The following PALLD variants were observed in gnomAD, a reference collection of about 807,000 sequenced individuals.
The protein encoded by PALLD is palladin, cytoskeletal associated protein.
PALLD carries 61 observed loss-of-function variants against 123.5 expected under a neutral mutation model. The ratio of observed to expected loss-of-function variants is 0.49; its 90% CI spans 0.40 to 0.61. The LOEUF (loss-of-function observed/expected upper bound fraction) is 0.61, where lower values mean the gene tolerates loss of function less well. Among genes scored for constraint, PALLD ranks in the 20% least tolerant of loss-of-function variants. PALLD has a pLI of 0.00. For missense variants in PALLD, 1,273 were observed against 1,377.0 expected (o/e 0.92, Z 1.20); for synonymous variants, 465 against 496.4 (o/e 0.94, Z 0.84).
chr4:168,761,645 G>GTTTTTTTTTTTTTTTTTGTTTTTT (rs1732880433), intron 10 of PALLD, among the ~76,000 whole-genome samples: 1 of 88,024 alleles, frequency 1.1e-5, no homozygotes, highest in Non-Finnish European at 2.2e-5. Context: ...GTTGTTGTTT[G>GTTTTTTTTTTTTTTTTTGTTTTTT]TTTTTTTTTT....
intron 8 of PALLD, among the ~76,000 whole-genome samples, chr4:168,692,477 A>G (rs979038065): frequency 2.0e-5 from 3 of 152,230 alleles, no homozygotes; most frequent in African/African-American, 7.2e-5. Flanking sequence ...TCATTGAATA[A>G]AATTGCATAA....
intron 15 of PALLD, among the ~76,000 whole-genome samples, chr4:168,905,705 A>G (rs1757587356): frequency 6.6e-6 from 1 of 152,054 alleles, no homozygotes; most frequent in South Asian, 2.1e-4. Flanking sequence ...GAAAAAGTCT[A>G]AATCACTATT....
Position 168,511,990 on chromosome 4 carries a change from T to C in PALLD, c.486T>C (p.Gly162=). The C allele has an allele frequency of 6.2e-7, 1 of 1,614,108 alleles. No individual in the cohort carries two copies. The highest frequency in any genetic ancestry group is 2.2e-5 in the East Asian group (1 of 44,872). Residue 162 remains glycine (G), a synonymous_variant, in exon 2 of 22, where the codon GGT becomes GGC. Transcript: ENST00000505667. ...CCAAAACGCCACATCAAAGAAAGGG[T>C]GGCCCCCAGAGCCAGCTGTGTGACA... The part of the protein sequence containing the change: ...VKPKTPHQRK[G]GPQSQLCDKA...
chr4:168,680,506 A>C (rs867330744), intron 3 of PALLD, among the ~76,000 whole-genome samples: 18 of 149,094 alleles, frequency 1.2e-4, no homozygotes, highest in South Asian at 4.2e-4. Context: ...AAAAAAAAAA[A>C]AAAACACTTA....
chr4:168,816,389 G>GTGTA (rs759861616), intron 10 of PALLD, among the ~76,000 whole-genome samples: 52 of 139,024 alleles, frequency 3.7e-4, no homozygotes, highest in Non-Finnish European at 5.1e-4. Flanking sequence ...GTGTATGTGT[G>GTGTA]TATATATATA....
intron 2 of PALLD, among the ~76,000 whole-genome samples, chr4:168,612,254 C>CAAA (rs5863950): frequency 7.9e-6 from 1 of 127,126 alleles, no homozygotes; most frequent in Non-Finnish European, 1.7e-5. Context: ...TCTAGGTTTA[C>CAAA]AAAAAAAAAA....
chr4:168,883,368 A>C (rs1473364131), intron 10 of PALLD, among the ~76,000 whole-genome samples: 1 of 152,212 alleles, frequency 6.6e-6, no homozygotes, highest in African/African-American at 2.4e-5. Context: ...TTTAAATGCC[A>C]ACATGTTAAT....
chr4:168,778,990 G>A (rs1453604435), intron 10 of PALLD, among the ~76,000 whole-genome samples: 2 of 152,168 alleles, frequency 1.3e-5, no homozygotes, highest in Non-Finnish European at 2.9e-5. Context: ...CACTTGCTAA[G>A]AATACATTGA....
intron 1 of PALLD, among the ~76,000 whole-genome samples, chr4:168,504,206 A>G (rs1761746518): frequency 6.6e-6 from 1 of 152,254 alleles, no homozygotes; most frequent in African/African-American, 2.4e-5. Flanking sequence ...GAAGTAGAAG[A>G]AAGGAAGCAT....
intron 2 of PALLD, among the ~76,000 whole-genome samples, chr4:168,629,567 T>TTGTA (rs1331765624): frequency 2.0e-5 from 3 of 151,952 alleles, no homozygotes; most frequent in African/African-American, 4.8e-5. Flanking sequence ...CTCCCAAAGA[T>TTGTA]TGTAATTCAG....
intron 2 of PALLD, among the ~76,000 whole-genome samples, chr4:168,534,664 A>G (rs1318312143): frequency 1.3e-5 from 2 of 152,158 alleles, no homozygotes; most frequent in South Asian, 2.1e-4. Context: ...TCTCCAGTAC[A>G]TATTGTAATA....
intron 10 of PALLD, among the ~76,000 whole-genome samples, chr4:168,773,030 G>A (rs1311834958): frequency 6.6e-6 from 1 of 152,162 alleles, no homozygotes; most frequent in Non-Finnish European, 1.5e-5. Flanking sequence ...AGGCATCTCT[G>A]ATGGCTCCAT....
intron 9 of PALLD, 28 bp from the exon 10 acceptor site, chr4:168,711,553 T>C (rs1225471800): frequency 2.7e-6 from 4 of 1,499,460 alleles, no homozygotes; most frequent in South Asian, 1.1e-5. Flanking sequence ...CATCTTCTTA[T>C]GTTTTTCCTC....
At chr4:168,535,784 C>T (rs985828686) in intron 2 of PALLD, among the ~76,000 whole-genome samples, 7 of 152,140 alleles carry the variant, frequency 4.6e-5, no homozygotes, top group Non-Finnish European at 8.8e-5. Context: ...CTATAGCCAC[C>T]TCTACAAATA....
chr4:168,894,166 T>A (rs1754627545), intron 11 of PALLD: 1 of 209,274 alleles, frequency 4.8e-6, no homozygotes. Flanking sequence ...ATCTTTGTTT[T>A]TTCTTTCAGT....
intron 5 of PALLD, among the ~76,000 whole-genome samples, chr4:168,683,712 C>T (rs1426293274): frequency 6.6e-6 from 1 of 152,100 alleles, no homozygotes; most frequent in Non-Finnish European, 1.5e-5. Context: ...ATCTGGATGT[C>T]TCTAAATCAT....
At chr4:168,817,878 G>A (rs1742200588) in intron 10 of PALLD, among the ~76,000 whole-genome samples, 1 of 152,144 alleles carries the variant, frequency 6.6e-6, no homozygotes. Flanking sequence ...ATTGGCAATT[G>A]AACAAATCTA....
chr4:168,527,422 C>CAAAAAAAAAAAAAAAAAAAAAAAAAAAAA (rs35555541), intron 2 of PALLD, among the ~76,000 whole-genome samples: 1 of 52,916 alleles, frequency 1.9e-5, no homozygotes. Flanking sequence ...AACTCCATCT[C>CAAAAAAAAAAAAAAAAAAAAAAAAAAAAA]AAAAAAAAAA....
chr4:168,666,875 T>G (rs1270482096), intron 2 of PALLD, among the ~76,000 whole-genome samples: 1 of 152,296 alleles, frequency 6.6e-6, no homozygotes, highest in East Asian at 1.9e-4. Context: ...GGAGGATGAC[T>G]CTGGGCTGGA....
Sources: allele counts gnomAD v4.1 joint callset (sites outside exome capture counted in the v4.1 genomes callset), GRCh38; gene constraint gnomAD v4.1.1; transcripts MANE v1.5; gene names NCBI Gene and HGNC (gene_info 2026-07-23, HGNC 2026-07-21).